BTRC: variants seen among roughly 807,000 people sequenced by gnomAD.
The protein encoded by BTRC is F-box/WD repeat-containing protein 1A.
A neutral mutation model predicts 85.5 loss-of-function variants in BTRC; 42 were observed. That is an observed-to-expected ratio of 0.49 (90% CI 0.38 to 0.64). The LOEUF (loss-of-function observed/expected upper bound fraction) is 0.64. Ranked by LOEUF, BTRC falls within the 30% of genes least tolerant of loss-of-function variation. The pLI, the probability that BTRC is intolerant of heterozygous loss-of-function variation, is 0.00. For missense variants in BTRC, 594 were observed against 743.5 expected, an observed-to-expected ratio of 0.80 and a Z score of 2.34; for synonymous variants, 255 against 263.3, an observed-to-expected ratio of 0.97 and a Z score of 0.30.
chr10:101,382,575 T>C (rs924188013), intron 1 of BTRC, among the ~76,000 whole-genome samples: 4 of 152,162 alleles, frequency 2.6e-5, no homozygotes, highest in Non-Finnish European at 4.4e-5. Flanking sequence ...GTCAGTTTGT[T>C]CCATTATTGG....
chr10:101,509,922 C>G (rs1442327066), intron 4 of BTRC, among the ~76,000 whole-genome samples: 3 of 151,770 alleles, frequency 2.0e-5, no homozygotes, highest in East Asian at 3.9e-4. Context: ...AATCCAAGCA[C>G]TTTGGGAGGC....
At chr10:101,550,965 T>C in intron 14 of BTRC, 74 bp downstream of exon 14, 1 of 1,370,006 alleles carries the variant, frequency 7.3e-7, no homozygotes. Flanking sequence ...TGCTAGTTCA[T>C]GGAACTTTCT....
chr10:101,416,637 C>A (rs1401720834), intron 1 of BTRC, among the ~76,000 whole-genome samples: 1 of 152,116 alleles, frequency 6.6e-6, no homozygotes, highest in African/African-American at 2.4e-5. Context: ...TCCACAGCAT[C>A]ATGAGACTGC....
Position 101,556,502 on chromosome 10 carries a change from C to T in BTRC, c.*3379C>T, listed in dbSNP as rs1291064380. 6.6e-6 allele frequency: 1 copy of T among 152,282 alleles called. No homozygotes were observed. Among genetic ancestry groups the T allele is most frequent in the East Asian group, 1.9e-4 (1 of 5,196 alleles). 9.4% of individuals were successfully genotyped at this position (152,282 alleles called of 1,614,324 possible). On this transcript the variant is annotated 3_prime_UTR_variant, in exon 15 of 15. Transcript: ENST00000370187. ...CAGTCTGTAGCAGAGCAGTCCAACC[C>T]AGATTAGTGCAGCCCGGAGGCTTAG...
Position 101,551,664 on chromosome 10 carries a change from C to T in BTRC, c.*31+773C>T, listed in dbSNP as rs532152279. ...GCCACGTGTGCCTCAGTTCTCGTGGCGGAAGTACATGTTCGCTACACGTTT... is the reference window on the plus strand; with the variant it reads ...GCCACGTGTGCCTCAGTTCTCGTGGTGGAAGTACATGTTCGCTACACGTTT... On this transcript the variant is annotated intron_variant, in intron 14 of 14. Transcript: ENST00000370187. Among the ~76,000 whole-genome samples the T allele has an allele frequency of 2.6e-5, 4 of 152,318 alleles. No homozygotes were observed. The East Asian group carries it at 5.8e-4, about 22-fold the overall frequency.
At chr10:101,422,009 A>G (rs1944115207) in intron 1 of BTRC, among the ~76,000 whole-genome samples, 1 of 152,100 alleles carries the variant, frequency 6.6e-6, no homozygotes, top group Admixed American at 6.5e-5. Flanking sequence ...GCTGGGTCAA[A>G]TGGTATTTCT....
intron 1 of BTRC, among the ~76,000 whole-genome samples, chr10:101,410,333 C>T (rs1943742520): frequency 6.6e-6 from 1 of 152,076 alleles, no homozygotes; most frequent in Admixed American, 6.5e-5. Context: ...GAAGAGTACC[C>T]TGGCTGCGCA....
chr10:101,548,589 T>C (rs2062595512), intron 13 of BTRC, among the ~76,000 whole-genome samples: 2 of 151,900 alleles, frequency 1.3e-5, no homozygotes, highest in Admixed American at 1.3e-4. Context: ...CTGTCTTTAC[T>C]AAAATACAAA....
chr10:101,434,778 T>G (rs1944484792), intron 2 of BTRC, among the ~76,000 whole-genome samples: 1 of 150,782 alleles, frequency 6.6e-6, no homozygotes, highest in South Asian at 2.1e-4. Context: ...CTGACCAACA[T>G]GGCTGAAACC....
intron 2 of BTRC, among the ~76,000 whole-genome samples, chr10:101,459,245 A>C (rs1945159396): frequency 6.6e-6 from 1 of 152,220 alleles, no homozygotes. Context: ...TAAAGATGCA[A>C]GGAATAACTG....
At chr10:101,504,163 C>T (rs1946458912) in intron 4 of BTRC, among the ~76,000 whole-genome samples, 3 of 152,192 alleles carry the variant, frequency 2.0e-5, no homozygotes, top group Admixed American at 2.0e-4. Context: ...TCTAGGTGAA[C>T]AACCTCCACC....
intron 2 of BTRC, among the ~76,000 whole-genome samples, chr10:101,456,018 A>ACACACACACACACACACAC (rs60361192): frequency 6.6e-4 from 99 of 150,122 alleles, no homozygotes; most frequent in South Asian, 1.9e-3. Context: ...ACACACACAC[A>ACACACACACACACACACAC]AAATTAGCTG....
chr10:101,490,415 G>A (rs1589542392), intron 4 of BTRC, among the ~76,000 whole-genome samples: 1 of 152,324 alleles, frequency 6.6e-6, no homozygotes, highest in East Asian at 1.9e-4. Context: ...TGAACCTGGT[G>A]AGATGGACTG....
intron 4 of BTRC, among the ~76,000 whole-genome samples, chr10:101,507,289 CA>C (rs1946567396): frequency 6.6e-6 from 1 of 152,124 alleles, no homozygotes; most frequent in Non-Finnish European, 1.5e-5. Flanking sequence ...TGCAAAGAAA[CA>C]TAAACACAGC....
rs1480699446 is a variant in BTRC, at chr10:101,518,534, T to TG, written c.325-3105_325-3104insG. Among the ~76,000 whole-genome samples, 5 of 152,308 alleles carry TG rather than the reference T, an allele frequency of 3.3e-5. No individual in the cohort carries two copies. In the South Asian group the frequency reaches 1.0e-3, roughly 32 times the overall value. The stretch of plus-strand genomic sequence containing the variant: ...CAGAATAGGACATAATCTCCGCCTT[T>TG]TGATGGGAGGAGTAGCATTCATGTA... On this transcript the variant is annotated intron_variant, in intron 4 of 14. Transcript: ENST00000370187.
intron 2 of BTRC, among the ~76,000 whole-genome samples, chr10:101,442,694 C>T (rs1208984286): frequency 1.3e-5 from 2 of 151,834 alleles, no homozygotes; most frequent in Admixed American, 6.6e-5. Flanking sequence ...GTGACATAAA[C>T]GTAAAAAGGA....
rs1435192805 is a variant in BTRC, at chr10:101,557,102, T to C, written c.*3979T>C. ...ATGATGGGACAGGCCTAACAACACA[T>C]GTAAGCTTCCCCGAGAGCTTTCAGC... is the stretch of plus-strand genomic sequence containing the variant. On this transcript the variant is annotated 3_prime_UTR_variant, in exon 15 of 15. Coordinates refer to ENST00000370187, the MANE Select transcript of BTRC (RefSeq NM_033637.4). 1 of 152,228 alleles carries C rather than the reference T, an allele frequency of 6.6e-6. No individual in the cohort carries two copies. Among genetic ancestry groups the C allele is most frequent in the Non-Finnish European group, 1.5e-5 (1 of 68,046 alleles). 9.4% of individuals were successfully genotyped at this position (152,228 alleles called of 1,614,324 possible).
chr10:101,480,722 T>C (rs1351939902), intron 4 of BTRC, among the ~76,000 whole-genome samples: 6 of 152,226 alleles, frequency 3.9e-5, no homozygotes, highest in Admixed American at 2.6e-4. Context: ...ACACAAAATA[T>C]AACCATCGAA....
intron 1 of BTRC, among the ~76,000 whole-genome samples, chr10:101,375,769 A>G (rs1325909581): frequency 1.3e-5 from 2 of 152,242 alleles, no homozygotes; most frequent in African/African-American, 4.8e-5. Flanking sequence ...GTTAAAATGT[A>G]GTACAGATTC....
Sources: allele counts gnomAD v4.1 joint callset (sites outside exome capture counted in the v4.1 genomes callset), GRCh38; gene constraint gnomAD v4.1.1; transcripts MANE v1.5; gene names NCBI Gene and HGNC (gene_info 2026-07-23, HGNC 2026-07-21).